SEC16B: variants seen among roughly 807,000 people sequenced by gnomAD.
SEC16B encodes protein transport protein Sec16B.
SEC16B carries 115 observed loss-of-function variants against 141.8 expected under a neutral mutation model. The observed-to-expected ratio is 0.81, with a 90% confidence interval of 0.70 to 0.95. The LOEUF is 0.95. SEC16B is among the 40% of genes least tolerant of loss of function. The pLI is 0.00. For synonymous variants in SEC16B, 493 were observed against 492.5 expected (o/e 1.00, Z -0.01); for missense variants, 1,291 against 1,312.3 (o/e 0.98, Z 0.25).
chr1:177,940,868 G>A (rs540587052), intron 16 of SEC16B, among the ~76,000 whole-genome samples, 154 bp from the exon 17 acceptor site: 244 of 152,218 alleles, frequency 1.6e-3, no homozygotes, highest in Non-Finnish European at 3.0e-3. Flanking sequence ...AAAAATAATC[G>A]AAAAACAGCA....
chr1:177,983,738 A>C (rs930547008), intron 1 of SEC16B, among the ~76,000 whole-genome samples: 5 of 152,198 alleles, frequency 3.3e-5, no homozygotes, highest in Non-Finnish European at 7.3e-5. Context: ...AAGTTTCCAC[A>C]CTGCCTCTAA....
At chr1:177,960,703 G>A in intron 7 of SEC16B, 88 bp downstream of exon 7, 1 of 1,408,300 alleles carries the variant, frequency 7.1e-7, no homozygotes, top group African/African-American at 1.4e-5. Flanking sequence ...AGATGCCCCG[G>A]CTCAGGCACA....
intron 1 of SEC16B, among the ~76,000 whole-genome samples, chr1:177,980,412 T>C (rs931883502): frequency 3.9e-5 from 6 of 152,168 alleles, no homozygotes; most frequent in Non-Finnish European, 5.9e-5. Flanking sequence ...CTTTTCCCCA[T>C]AGCTCCTCTA....
At chr1:177,951,783 T>G in intron 12 of SEC16B, 131 bp downstream of exon 12, 1 of 732,164 alleles carries the variant, frequency 1.4e-6, no homozygotes, top group Admixed American at 2.2e-5. Flanking sequence ...GCCTGGCACA[T>G]GGTGATTAAC....
chr1:177,967,618 G>A (rs1425471645), intron 2 of SEC16B, 65 bp downstream of exon 2: 1 of 1,418,224 alleles, frequency 7.1e-7, no homozygotes, highest in East Asian at 2.3e-5. Flanking sequence ...AAGGAAGAAG[G>A]AAAAGAACAA....
rs551550387 is a variant in SEC16B, at chr1:177,976,936, G to A, written c.-59+7270C>T. The stretch of plus-strand genomic sequence containing the variant: ...GGCTAAGGTGAAAACAACAAAATTA[G>A]AAACTTTAAGAAAATGCAGCCCAGT... On this transcript the variant is annotated intron_variant and NMD_transcript_variant, in intron 1 of 24. Coordinates refer to the SEC16B transcript ENST00000528461. 2.6e-5 allele frequency among the ~76,000 whole-genome samples: 4 copies of A among 152,272 alleles called. No individual in the cohort carries two copies. The East Asian group carries it at 7.7e-4, about 29-fold the overall frequency.
chr1:177,976,469 A>C (rs1654174282), intron 1 of SEC16B, among the ~76,000 whole-genome samples: 1 of 152,200 alleles, frequency 6.6e-6, no homozygotes, highest in African/African-American at 2.4e-5. Context: ...GACAGGATGT[A>C]AATTCCCCAA....
At chr1:177,951,877 A>G in intron 12 of SEC16B, 37 bp downstream of exon 12, 1 of 1,548,512 alleles carries the variant, frequency 6.5e-7, no homozygotes, top group Non-Finnish European at 8.8e-7. Flanking sequence ...AGCCCTTGGG[A>G]TGCCTGGGTG....
intron 18 of SEC16B, 85 bp from the exon 19 acceptor site, chr1:177,937,598 G>A (rs934389290): frequency 6.6e-6 from 8 of 1,215,236 alleles, no homozygotes; most frequent in Non-Finnish European, 9.0e-6. Flanking sequence ...TCCTGCTTAT[G>A]TCTTCTTTGG....
chr1:177,964,074 T>C, intron 5 of SEC16B, 97 bp downstream of exon 5: 2 of 810,302 alleles, frequency 2.5e-6, no homozygotes, highest in Non-Finnish European at 3.9e-6. Flanking sequence ...GGCTGGCCAC[T>C]GGACATCCAT....
chr1:177,941,965 T>C lies in SEC16B; in HGVS notation c.1957A>G (p.Ile653Val), dbSNP rs769784133. 28 of 1,613,850 alleles carry C rather than the reference T, an allele frequency of 1.7e-5. No individual in the cohort carries two copies. In the African/African-American group the frequency reaches 3.3e-4, roughly 19 times the overall value. Residue 653 changes from isoleucine to valine, a missense_variant, in exon 16 of 26, where the codon ATT (isoleucine) becomes GTT (valine). By Grantham distance (29) the Ile-to-Val change is conservative. Coordinates refer to ENST00000308284, the MANE Select transcript of SEC16B (RefSeq NM_033127.4). ...CCCTGGCTCAAGACAGCTGCACCAA[T>C]GGCTTCGCAGTAATGCAAAGCCTGG... ...VSQALHYCEA[I>V]GAAVLSQGES... is the part of the protein sequence containing the mutation.
Position 177,935,530 on chromosome 1 carries a change from A to G in SEC16B, c.2571+768T>C, listed in dbSNP as rs1159875510. ...TACAGATATACATATATGTGAGTAT[A>G]TGTGTGTATATATAGAAAAATAGTA... On this transcript the variant is annotated intron_variant, in intron 20 of 25. Coordinates refer to ENST00000308284, the MANE Select transcript of SEC16B (RefSeq NM_033127.4). Among the ~76,000 whole-genome samples the G allele has an allele frequency of 2.6e-5, 4 of 152,142 alleles. No individual in the cohort carries two copies. In the East Asian group the frequency reaches 7.7e-4, roughly 29 times the overall value.
intron 4 of SEC16B, 84 bp from the exon 5 acceptor site, chr1:177,964,363 T>C: frequency 1.1e-6 from 1 of 928,980 alleles, no homozygotes; most frequent in Non-Finnish European, 1.6e-6. Context: ...GCTGACCTGC[T>C]CCAAAGCGTG....
chr1:177,968,224 C>T (rs1653710817), intron 1 of SEC16B, among the ~76,000 whole-genome samples, 185 bp from the exon 2 acceptor site: 1 of 152,086 alleles, frequency 6.6e-6, no homozygotes, highest in African/African-American at 2.4e-5. Context: ...ACAGACTAGA[C>T]AATTATATTA....
chr1:177,976,606 A>G lies in SEC16B; in HGVS notation c.-59+7600T>C, dbSNP rs74130806. On this transcript the variant is annotated intron_variant and NMD_transcript_variant, in intron 1 of 24. Transcript: ENST00000528461. ...CCTTTTCTTCATCTGTAAAATAGGG[A>G]TAATAATAGAACCTCCTACCTCACA... is the stretch of plus-strand genomic sequence containing the variant. Among the ~76,000 whole-genome samples, 818 of 152,330 alleles carry G rather than the reference A, an allele frequency of 5.4e-3. 10 individuals carry two copies. The highest frequency in any genetic ancestry group is 0.019 in the African/African-American group (788 of 41,580).
chr1:177,964,369 G>C (rs1653336869), intron 4 of SEC16B, 90 bp from the exon 5 acceptor site: 2 of 842,968 alleles, frequency 2.4e-6, no homozygotes, highest in East Asian at 5.6e-5. Context: ...CTGCTCCAAA[G>C]CGTGGGCAGG....
intron 1 of SEC16B, among the ~76,000 whole-genome samples, chr1:177,968,382 T>C: frequency 6.6e-6 from 1 of 152,238 alleles, no homozygotes; most frequent in Admixed American, 6.5e-5. Context: ...CAAGTGTTTA[T>C]TTAACACTTA....
intron 25 of SEC16B, 59 bp downstream of exon 25, chr1:177,930,486 G>T: frequency 9.7e-6 from 11 of 1,139,444 alleles, no homozygotes; most frequent in Non-Finnish European, 1.4e-5. Flanking sequence ...ATAAACCTAG[G>T]TCTCCTTAAT....
intron 5 of SEC16B, among the ~76,000 whole-genome samples, chr1:177,963,901 G>T (rs905055639): frequency 6.6e-6 from 1 of 152,330 alleles, no homozygotes; most frequent in Non-Finnish European, 1.5e-5. Context: ...TTCCCAGTAT[G>T]TTGGAGTGAG....
Sources: gnomAD v4.1 joint callset for allele counts (sites outside exome capture counted in the v4.1 genomes callset) on GRCh38, gnomAD v4.1.1 for gene constraint, MANE v1.5 for transcripts, NCBI Gene and HGNC (gene_info 2026-07-23, HGNC 2026-07-21) for gene names.